The following FXN variants were observed in gnomAD, a reference collection of about 807,000 sequenced individuals.
FXN encodes frataxin, mitochondrial.
In FXN, 14 loss-of-function variants were observed where a neutral mutation model predicts 22.4. The ratio of observed to expected loss-of-function variants is 0.62; its 90% CI spans 0.41 to 0.98. The LOEUF (loss-of-function observed/expected upper bound fraction) is 0.98. FXN is among the 50% of genes least tolerant of loss of function. The pLI is 0.00. For synonymous variants in FXN, 120 were observed against 114.1 expected (o/e 1.05, Z -0.33); for missense variants, 267 against 268.4 (o/e 0.99, Z 0.04).
chr9:69,058,925 G>A (rs781124063), intron 3 of FXN, among the ~76,000 whole-genome samples: 52 of 152,034 alleles, frequency 3.4e-4, no homozygotes, highest in Non-Finnish European at 5.3e-4. Flanking sequence ...AAACTTAGCC[G>A]GGCGTGGTGG....
chr9:69,062,282 G>C (rs1452186002), intron 3 of FXN, among the ~76,000 whole-genome samples: 2 of 152,006 alleles, frequency 1.3e-5, no homozygotes, highest in Non-Finnish European at 2.9e-5. Flanking sequence ...CAGTGAATTT[G>C]TAATTTTTTG....
In FXN at chr9:69,077,637, GT is replaced by G; in HGVS notation, c.*4878del. ...TAACGCCACATCTTGACCTCAAATT[GT>G]TTAGCTCCTGGCCAGACACGGTGGC... is the stretch of plus-strand genomic sequence containing the variant. On this transcript the variant is annotated 3_prime_UTR_variant, in exon 5 of 5. Transcript: ENST00000484259. 1 of 985,376 alleles carries G rather than the reference GT, an allele frequency of 1.0e-6. No individual in the cohort carries two copies. The highest frequency in any genetic ancestry group is 1.2e-6 in the Non-Finnish European group (1 of 829,988). 61.0% of individuals were successfully genotyped at this position (985,376 alleles called of 1,614,324 possible). A position where few individuals can be genotyped will look rare whatever the true frequency, so the allele number is the denominator to read the frequency against.
At chr9:69,042,405 C>T (rs1270626867) in intron 1 of FXN, among the ~76,000 whole-genome samples, 1 of 152,094 alleles carries the variant, frequency 6.6e-6, no homozygotes, top group African/African-American at 2.4e-5. Context: ...AGGCTCTGTA[C>T]TTGGGGTATT....
intron 3 of FXN, among the ~76,000 whole-genome samples, chr9:69,061,940 C>T (rs1312805242): frequency 6.6e-6 from 1 of 151,996 alleles, no homozygotes; most frequent in East Asian, 1.9e-4. Flanking sequence ...TGGATGAGCT[C>T]TTTATCTCAT....
chr9:69,076,316 GACA>G lies in FXN; in HGVS notation c.*3557_*3559del. 1.0e-6 allele frequency: 1 copy of G among 984,868 alleles called. No individual in the cohort carries two copies. Among genetic ancestry groups the G allele is most frequent in the Non-Finnish European group, 1.2e-6 (1 of 829,880 alleles). The allele number at this position is 984,868 out of a possible 1,614,324, so 61.0% of individuals were successfully genotyped here. ...CTGATGTGAGAAGTACTCAGTTCAT[GACA>G]ACTGTTGTTCTCACATGCATAGCAT... On this transcript the variant is annotated 3_prime_UTR_variant, in exon 5 of 5. Coordinates refer to ENST00000484259, the MANE Select transcript of FXN (RefSeq NM_000144.5).
At position 69,077,224 on chromosome 9, in the gene FXN, T is replaced by G. The variant is rs1303363045; in HGVS notation, c.*4462T>G. The G allele has an allele frequency of 1.0e-6, 1 of 985,274 alleles. No homozygotes were observed. Among genetic ancestry groups the G allele is most frequent in the African/African-American group, 1.7e-5 (1 of 57,246 alleles). 61.0% of individuals were successfully genotyped at this position (985,274 alleles called of 1,614,324 possible). On this transcript the variant is annotated 3_prime_UTR_variant, in exon 5 of 5. Transcript: ENST00000484259. ...ACTGCACCCAGCCAGAAATGCCTTCTAATCTTTGGTTTATCTTAATTAGCC... is the reference window on the plus strand; with the variant it reads ...ACTGCACCCAGCCAGAAATGCCTTCGAATCTTTGGTTTATCTTAATTAGCC...
chr9:69,070,704 G>A (rs540404335), intron 4 of FXN, among the ~76,000 whole-genome samples: 3 of 151,836 alleles, frequency 2.0e-5, no homozygotes, highest in East Asian at 1.9e-4. Flanking sequence ...TTCAAATAAA[G>A]GTTGTTTAAT....
intron 4 of FXN, among the ~76,000 whole-genome samples, chr9:69,069,827 G>C (rs1440500834): frequency 6.6e-6 from 1 of 152,222 alleles, no homozygotes; most frequent in Admixed American, 6.5e-5. Flanking sequence ...GACTAAGCAA[G>C]GTGCATGAAA....
Position 69,035,935 on chromosome 9 carries a change from G to A in FXN, c.153G>A (p.Thr51=), listed in dbSNP as rs1831540830. 16 of 1,460,450 alleles carry A rather than the reference G, an allele frequency of 1.1e-5. No homozygotes were observed. The highest frequency in any genetic ancestry group is 1.4e-5 in the Non-Finnish European group (15 of 1,111,038). 90.5% of individuals were successfully genotyped at this position (1,460,450 alleles called of 1,614,324 possible). The part of the protein sequence containing the change: ...GLRTDIDATC[T]PRRASSNQRG... ...GCACCGACATCGATGCGACCTGCAC[G>A]CCCCGCCGCGCAGTAAGTATCCGCG... The change falls in exon 1 of 5, where the codon ACG becomes ACA. Residue 51 remains threonine, a synonymous_variant. Coordinates refer to ENST00000484259, the MANE Select transcript of FXN (RefSeq NM_000144.5).
intron 4 of FXN, among the ~76,000 whole-genome samples, chr9:69,069,453 G>A (rs2498432): frequency 0.07 from 10,607 of 152,222 alleles, 496 homozygotes; most frequent in Middle Eastern, 0.13. Flanking sequence ...CGTGCTAAGC[G>A]GCTACTGTGA....
chr9:69,060,028 A>G (rs921124225), intron 3 of FXN, among the ~76,000 whole-genome samples: 1 of 152,130 alleles, frequency 6.6e-6, no homozygotes, highest in African/African-American at 2.4e-5. Flanking sequence ...AGTAATTGCT[A>G]TTTTTGCTCC....
intron 2 of FXN, 21 bp from the exon 3 acceptor site, chr9:69,053,119 G>C: frequency 6.2e-7 from 1 of 1,612,750 alleles, no homozygotes; most frequent in Non-Finnish European, 8.5e-7. Context: ...TCATGTTTTG[G>C]GTTTTGTGCT....
At chr9:69,046,035 C>T (rs1465072115) in intron 1 of FXN, among the ~76,000 whole-genome samples, 3 of 152,132 alleles carry the variant, frequency 2.0e-5, no homozygotes, top group African/African-American at 7.2e-5. Flanking sequence ...GTGAAAGTTC[C>T]GTGATGGGTT....
chr9:69,076,643 A>G lies in FXN; in HGVS notation c.*3881A>G, dbSNP rs914359840. ...ATGCTTTTGCCACCTCTAAAGGAAG[A>G]CCCATGTTCATAGTGATGGAGTTTG... is the stretch of plus-strand genomic sequence containing the variant. On this transcript the variant is annotated 3_prime_UTR_variant, in exon 5 of 5. Coordinates refer to ENST00000484259, the MANE Select transcript of FXN (RefSeq NM_000144.5). 138 of 985,340 alleles carry G rather than the reference A, an allele frequency of 1.4e-4. No individual in the cohort carries two copies. The highest frequency in any genetic ancestry group is 1.6e-4 in the Non-Finnish European group (134 of 829,942). The allele number at this position is 985,340 out of a possible 1,614,324, so 61.0% of individuals were successfully genotyped here. A position where few individuals can be genotyped will look rare whatever the true frequency, so the allele number is the denominator to read the frequency against.
At chr9:69,037,337 G>A (rs1359128370) in intron 1 of FXN, among the ~76,000 whole-genome samples, 2 of 145,866 alleles carry the variant, frequency 1.4e-5, no homozygotes, top group Non-Finnish European at 3.1e-5. Context: ...GTGGTGTCGC[G>A]CGCCTGTAAT....
At chr9:69,041,229 A>G (rs556052797) in intron 1 of FXN, among the ~76,000 whole-genome samples, 8 of 152,070 alleles carry the variant, frequency 5.3e-5, no homozygotes, top group Non-Finnish European at 8.8e-5. Flanking sequence ...TATCTCCCCC[A>G]ATCCATGTAT....
At chr9:69,045,240 A>T (rs1831727123) in intron 1 of FXN, among the ~76,000 whole-genome samples, 1 of 10,078 alleles carries the variant, frequency 9.9e-5, no homozygotes, top group Non-Finnish European at 1.0e-3. Flanking sequence ...TTAGAGAGAC[A>T]CAGGGAGAAT....
In FXN at chr9:69,077,049, G is replaced by A. The variant is rs1030092126; in HGVS notation, c.*4287G>A. 2 of 481,562 alleles carry A rather than the reference G, an allele frequency of 4.2e-6. No individual in the cohort carries two copies. The highest frequency in any genetic ancestry group is 5.4e-6 in the Non-Finnish European group (2 of 369,368). The allele number at this position is 481,562 out of a possible 1,614,324, so 29.8% of individuals were successfully genotyped here. ...CTGCCTCAGCCTCCCGAGTAGCTGGGATTACAGGTGCCTGCCACCACACCC... is the reference window on the plus strand; with the variant it reads ...CTGCCTCAGCCTCCCGAGTAGCTGGAATTACAGGTGCCTGCCACCACACCC... On this transcript the variant is annotated 3_prime_UTR_variant, in exon 5 of 5. Transcript: ENST00000484259.
chr9:69,059,014 GC>G (rs1832015922), intron 3 of FXN, among the ~76,000 whole-genome samples: 1 of 151,964 alleles, frequency 6.6e-6, no homozygotes, highest in African/African-American at 2.4e-5. Flanking sequence ...CTTGCAGTGA[GC>G]CAGGATCCCG....
Sources: allele counts gnomAD v4.1 joint callset (sites outside exome capture counted in the v4.1 genomes callset), GRCh38; gene constraint gnomAD v4.1.1; transcripts MANE v1.5; gene names NCBI Gene and HGNC (gene_info 2026-07-23, HGNC 2026-07-21).